Variants in DPF3 observed in about 807,000 individuals in gnomAD.
The protein encoded by DPF3 is double PHD fingers 3.
In DPF3, 18 loss-of-function variants were observed where a neutral mutation model predicts 56.8. That is an observed-to-expected ratio of 0.32 (90% CI 0.22 to 0.47). The LOEUF is 0.47. DPF3 is among the 20% of genes least tolerant of loss of function. The pLI is 1.00. For synonymous variants in DPF3, 188 were observed against 180.2 expected (o/e 1.04, Z -0.35); for missense variants, 403 against 488.8 (o/e 0.82, Z 1.65).
intron 3 of DPF3, among the ~76,000 whole-genome samples, chr14:72,735,917 T>A (rs1297449193): frequency 6.6e-6 from 1 of 152,212 alleles, no homozygotes; most frequent in Non-Finnish European, 1.5e-5. Flanking sequence ...AAGATGAGGC[T>A]TATCAACTTT....
chr14:72,867,089 G>A lies in DPF3; in HGVS notation c.32+26968C>T, dbSNP rs1359974579. Reference sequence around the variant, plus strand: ...ATAAAATAATTTTTATAGAGATGGGGTCTCACTGTGTTGTCCGGGTTGTTC... The same window carrying A: ...ATAAAATAATTTTTATAGAGATGGGATCTCACTGTGTTGTCCGGGTTGTTC... On this transcript the variant is annotated intron_variant, in intron 1 of 10. Coordinates refer to ENST00000556509, the MANE Select transcript of DPF3 (RefSeq NM_001280542.3). Among the ~76,000 whole-genome samples the A allele has an allele frequency of 2.0e-5, 3 of 151,990 alleles. No individual in the cohort carries two copies. In the East Asian group the frequency reaches 5.8e-4, roughly 29 times the overall value.
At chr14:72,736,368 G>C (rs1299496248) in intron 3 of DPF3, among the ~76,000 whole-genome samples, 1 of 152,192 alleles carries the variant, frequency 6.6e-6, no homozygotes, top group East Asian at 1.9e-4. Context: ...TACCATAATG[G>C]ACAGTGCAGA....
chr14:72,838,906 T>TATATATATATA lies in DPF3; in HGVS notation c.32+55150_32+55151insTATATATATAT, dbSNP rs375598670. 3.5e-3 allele frequency among the ~76,000 whole-genome samples: 311 copies of TATATATATATA among 87,606 alleles called. 9 individuals are homozygous for TATATATATATA. The highest frequency in any genetic ancestry group is 0.012 in the East Asian group (26 of 2,146). 57.5% of individuals were successfully genotyped at this position (87,606 alleles called of 152,430 possible). On this transcript the variant is annotated intron_variant, in intron 1 of 10. Coordinates refer to ENST00000556509, the MANE Select transcript of DPF3 (RefSeq NM_001280542.3). The stretch of plus-strand genomic sequence containing the variant: ...TCTATCATATATATTATCATATATA[T>TATATATATATA]TCTTTTTTTTTTTTTTTTTTTTTTT...
In DPF3 at chr14:72,609,930, C is replaced by T. The variant is rs1013280155; in HGVS notation, c.*9367G>A. ...ACCTCATCTGCAAGAGGCAATGCGG[C>T]GTTGGGTCCCAAGGATCAGTGGGGA... On this transcript the variant is annotated 3_prime_UTR_variant, in exon 11 of 11. Coordinates refer to ENST00000556509, the MANE Select transcript of DPF3 (RefSeq NM_001280542.3). Among the ~76,000 whole-genome samples the T allele has an allele frequency of 2.6e-5, 4 of 152,184 alleles. No homozygotes were observed. Among genetic ancestry groups the T allele is most frequent in the African/African-American group, 7.2e-5 (3 of 41,452 alleles).
chr14:72,653,195 C>T (rs1449082715), intron 8 of DPF3, among the ~76,000 whole-genome samples: 1 of 152,216 alleles, frequency 6.6e-6, no homozygotes, highest in Non-Finnish European at 1.5e-5. Context: ...TTAACCCTTC[C>T]GAGTGCTGGT....
At chr14:72,817,639 T>C (rs925250834) in intron 1 of DPF3, among the ~76,000 whole-genome samples, 8 of 151,962 alleles carry the variant, frequency 5.3e-5, no homozygotes, top group African/African-American at 7.2e-5. Context: ...GATTGCACCA[T>C]TGCACTCCAG....
chr14:72,664,375 C>T (rs534482582), intron 8 of DPF3, among the ~76,000 whole-genome samples: 1 of 152,276 alleles, frequency 6.6e-6, no homozygotes, highest in Non-Finnish European at 1.5e-5. Context: ...CCCACTAAAG[C>T]CACCTAGAAA....
chr14:72,690,273 G>T (rs547321786), intron 7 of DPF3, among the ~76,000 whole-genome samples: 1 of 151,966 alleles, frequency 6.6e-6, no homozygotes, highest in Non-Finnish European at 1.5e-5. Context: ...AAACACACCC[G>T]CCCACGAGGG....
At chr14:72,631,058 G>A (rs1397389057) in intron 8 of DPF3, among the ~76,000 whole-genome samples, 2 of 152,094 alleles carry the variant, frequency 1.3e-5, no homozygotes, top group East Asian at 3.9e-4. Flanking sequence ...ATGAAATACT[G>A]TCTATTCAGC....
At chr14:72,748,940 C>A (rs764061476) in intron 3 of DPF3, among the ~76,000 whole-genome samples, 1 of 152,226 alleles carries the variant, frequency 6.6e-6, no homozygotes, top group Non-Finnish European at 1.5e-5. Flanking sequence ...TCATGGAGAA[C>A]CTCTGCTAGG....
At chr14:72,783,650 G>A (rs530093558) in intron 1 of DPF3, among the ~76,000 whole-genome samples, 5 of 152,186 alleles carry the variant, frequency 3.3e-5, no homozygotes, top group Non-Finnish European at 7.3e-5. Flanking sequence ...GAGAGACTGG[G>A]GTGAGGTAGA....
chr14:72,869,053 C>T (rs987021249), intron 1 of DPF3, among the ~76,000 whole-genome samples: 1 of 152,198 alleles, frequency 6.6e-6, no homozygotes, highest in Non-Finnish European at 1.5e-5. Context: ...ACCTCTCTTA[C>T]CATCTCATCC....
In DPF3 at chr14:72,713,827, G is replaced by A. The variant is rs142121603; in HGVS notation, c.604+596C>T. ...GTGGGCTCCCTAGCTCTGTCTGCAC[G>A]CCCTAAACTCAGGAGCCAGCCAGGC... On this transcript the variant is annotated intron_variant, in intron 6 of 10. Coordinates refer to ENST00000556509, the MANE Select transcript of DPF3 (RefSeq NM_001280542.3). Among the ~76,000 whole-genome samples the A allele has an allele frequency of 1.1e-4, 16 of 152,244 alleles. No homozygotes were observed. The East Asian group carries it at 1.9e-3, about 18-fold the overall frequency.
chr14:72,645,143 T>C (rs1177474702), intron 8 of DPF3, among the ~76,000 whole-genome samples: 2 of 152,314 alleles, frequency 1.3e-5, no homozygotes, highest in Admixed American at 1.3e-4. Flanking sequence ...ACTGGTCAGA[T>C]ATATAACTTC....
intron 1 of DPF3, chr14:72,892,597 G>C (rs1439261314): frequency 8.1e-6 from 10 of 1,242,056 alleles, no homozygotes; most frequent in Non-Finnish European, 1.0e-5. Context: ...TACCGTCCCC[G>C]GGAGCGAACC....
chr14:72,626,920 T>A (rs547313611), intron 9 of DPF3, among the ~76,000 whole-genome samples: 2 of 151,112 alleles, frequency 1.3e-5, no homozygotes, highest in East Asian at 3.9e-4. Context: ...GTGAGTGCAT[T>A]TGAACTTTTT....
At chr14:72,778,284 C>A (rs904639421) in intron 1 of DPF3, among the ~76,000 whole-genome samples, 2 of 152,186 alleles carry the variant, frequency 1.3e-5, no homozygotes, top group Admixed American at 6.5e-5. Flanking sequence ...GTGAGCATTG[C>A]TGCCTGAGCT....
At chr14:72,690,301 AC>A (rs1887617626) in intron 7 of DPF3, among the ~76,000 whole-genome samples, 1 of 152,138 alleles carries the variant, frequency 6.6e-6, no homozygotes, top group African/African-American at 2.4e-5. Flanking sequence ...GAAGATCCAC[AC>A]CCGAGTGCTT....
At chr14:72,707,932 C>T (rs1318564776) in intron 6 of DPF3, among the ~76,000 whole-genome samples, 3 of 151,744 alleles carry the variant, frequency 2.0e-5, no homozygotes, top group Non-Finnish European at 4.4e-5. Context: ...CTGCAATGAA[C>T]AAATACTATT....
Sources: allele counts gnomAD v4.1 joint callset (sites outside exome capture counted in the v4.1 genomes callset), GRCh38; gene constraint gnomAD v4.1.1; transcripts MANE v1.5; gene names NCBI Gene and HGNC (gene_info 2026-07-23, HGNC 2026-07-21).